CCDC7: variants seen among roughly 807,000 people sequenced by gnomAD.
CCDC7 encodes the protein coiled-coil domain containing 7.
CCDC7 carries 183 observed loss-of-function variants against 196.9 expected under a neutral mutation model. The ratio of observed to expected loss-of-function variants is 0.93; its 90% CI spans 0.82 to 1.05. The LOEUF (loss-of-function observed/expected upper bound fraction) is 1.05. Ranked by LOEUF, CCDC7 falls within the 50% of genes least tolerant of loss-of-function variation. The pLI is 0.00. For missense variants in CCDC7, 1,540 were observed against 1,482.2 expected (o/e 1.04, Z -0.64); for synonymous variants, 525 against 484.6 (o/e 1.08, Z -1.10).
At chr10:32,747,783 C>T (rs1389558949) in intron 28 of CCDC7, among the ~76,000 whole-genome samples, 1 of 152,132 alleles carries the variant, frequency 6.6e-6, no homozygotes, top group Non-Finnish European at 1.5e-5. Context: ...AGTTCAGCCA[C>T]TCTGGGAAGC....
intron 18 of CCDC7, among the ~76,000 whole-genome samples, chr10:32,626,642 T>C (rs58332240): frequency 0.018 from 2,676 of 152,158 alleles, 85 homozygotes; most frequent in African/African-American, 0.061. Flanking sequence ...CCTACACCAA[T>C]GCTGTGCAGC....
intron 28 of CCDC7, among the ~76,000 whole-genome samples, chr10:32,731,499 G>T (rs1435436177): frequency 2.0e-5 from 3 of 151,032 alleles, no homozygotes; most frequent in Non-Finnish European, 4.4e-5. Flanking sequence ...TCCTTATTTT[G>T]GAATTACTTT....
chr10:32,576,227 T>G (rs1019321859), intron 16 of CCDC7, among the ~76,000 whole-genome samples: 5 of 151,826 alleles, frequency 3.3e-5, no homozygotes, highest in Non-Finnish European at 5.9e-5. Context: ...AGAGGATGTC[T>G]GCAGCACCAT....
At chr10:32,670,151 T>G (rs1040397479) in intron 21 of CCDC7, among the ~76,000 whole-genome samples, 1 of 152,138 alleles carries the variant, frequency 6.6e-6, no homozygotes, top group Non-Finnish European at 1.5e-5. Flanking sequence ...GATCATTCCC[T>G]TTTCGTTAAT....
intron 5 of CCDC7, among the ~76,000 whole-genome samples, chr10:32,468,315 TGTATTCCTAG>T (rs752643555): frequency 1.8e-4 from 26 of 148,198 alleles, no homozygotes; most frequent in Non-Finnish European, 3.0e-4. Flanking sequence ...CCTGGTTAGC[TGTATTCCTAG>T]GTATTCTTTT....
rs772257150 is a variant in CCDC7, at chr10:32,574,617, C to T, written c.1454+2724C>T. The T allele has an allele frequency of 5.8e-4, 321 of 557,680 alleles. 2 individuals are homozygous for T. Among genetic ancestry groups the T allele is most frequent in the Non-Finnish European group, 6.3e-4 (244 of 386,072 alleles). 34.5% of individuals were successfully genotyped at this position (557,680 alleles called of 1,614,324 possible). On this transcript the variant is annotated intron_variant, in intron 16 of 41. Transcript: ENST00000639629. Reference sequence around the variant, plus strand: ...AATGAGTTAGTGGTAAATAGTTAATCAAACAATAGATTTTAATAATTTATT... The same window carrying T: ...AATGAGTTAGTGGTAAATAGTTAATTAAACAATAGATTTTAATAATTTATT...
intron 3 of CCDC7, among the ~76,000 whole-genome samples, chr10:32,457,295 G>A (rs1275892966): frequency 1.3e-5 from 2 of 151,860 alleles, no homozygotes; most frequent in East Asian, 3.9e-4. Context: ...TATCCTATAG[G>A]GCTTTCCATG....
At chr10:32,822,396 A>G (rs2090407101) in intron 31 of CCDC7, among the ~76,000 whole-genome samples, 1 of 152,202 alleles carries the variant, frequency 6.6e-6, no homozygotes, top group Non-Finnish European at 1.5e-5. Flanking sequence ...CTGTAAGAAA[A>G]TAACACTGGA....
intron 18 of CCDC7, among the ~76,000 whole-genome samples, chr10:32,588,735 A>G (rs572258161): frequency 7.2e-4 from 109 of 152,220 alleles, no homozygotes; most frequent in African/African-American, 2.4e-3. Flanking sequence ...TTAAATCTTT[A>G]AATGTTTTAT....
At chr10:32,498,591 C>G (rs2043287311) in intron 9 of CCDC7, among the ~76,000 whole-genome samples, 1 of 152,132 alleles carries the variant, frequency 6.6e-6, no homozygotes. Flanking sequence ...GTGACAAAAT[C>G]TCTCAGCATT....
At chr10:32,625,077 T>A (rs1193743024) in intron 18 of CCDC7, among the ~76,000 whole-genome samples, 1 of 149,648 alleles carries the variant, frequency 6.7e-6, no homozygotes, top group African/African-American at 2.4e-5. Flanking sequence ...GATTTTGGTG[T>A]CCTACCCAGA....
intron 30 of CCDC7, among the ~76,000 whole-genome samples, chr10:32,807,943 C>A (rs916184242): frequency 1.3e-5 from 2 of 152,110 alleles, no homozygotes; most frequent in African/African-American, 4.8e-5. Flanking sequence ...GTTGGCCAGG[C>A]TGGTGTGGCC....
chr10:32,739,643 C>T (rs1459926750), intron 28 of CCDC7, among the ~76,000 whole-genome samples: 1 of 150,280 alleles, frequency 6.7e-6, no homozygotes, highest in Non-Finnish European at 1.5e-5. Context: ...TAAACTGTCT[C>T]TTCAGACTAT....
At chr10:32,656,937 A>G (rs1319053653) in intron 20 of CCDC7, among the ~76,000 whole-genome samples, 2 of 152,226 alleles carry the variant, frequency 1.3e-5, no homozygotes, top group Admixed American at 6.5e-5. Flanking sequence ...TCCAAATAGG[A>G]GAAATTGGCC....
At chr10:32,791,987 C>T (rs997086573) in intron 29 of CCDC7, among the ~76,000 whole-genome samples, 5 of 151,978 alleles carry the variant, frequency 3.3e-5, no homozygotes, top group African/African-American at 9.7e-5. Flanking sequence ...CAAGTGACAT[C>T]GAGGACATTT....
intron 11 of CCDC7, among the ~76,000 whole-genome samples, chr10:32,533,177 A>G (rs145110391): frequency 6.6e-6 from 1 of 151,746 alleles, no homozygotes; most frequent in African/African-American, 2.4e-5. Context: ...CATTGTATAG[A>G]TATAACAAGT....
intron 21 of CCDC7, among the ~76,000 whole-genome samples, chr10:32,683,842 G>A (rs11592907): frequency 0.083 from 12,606 of 152,194 alleles, 567 homozygotes; most frequent in East Asian, 0.16. Context: ...AGGTCGGAAG[G>A]CCCTGCTTAG....
chr10:32,525,101 TA>T (rs1156365684), intron 11 of CCDC7, among the ~76,000 whole-genome samples: 3 of 151,744 alleles, frequency 2.0e-5, no homozygotes, highest in Admixed American at 6.6e-5. Context: ...TATTTTCAAA[TA>T]GGGGGATGGG....
intron 9 of CCDC7, chr10:32,513,143 G>A (rs2139662): frequency 0.92 from 140,675 of 152,138 alleles, 65,985 homozygotes; most frequent in East Asian, 1. Context: ...GATGGTAGCA[G>A]AACTAGAAAG....
Sources: gnomAD v4.1 joint callset for allele counts (sites outside exome capture counted in the v4.1 genomes callset) on GRCh38, gnomAD v4.1.1 for gene constraint, MANE v1.5 for transcripts, NCBI Gene and HGNC (gene_info 2026-07-23, HGNC 2026-07-21) for gene names.